Variants in CD38 observed in about 807,000 individuals in gnomAD.
CD38 encodes ADP-ribosyl cyclase/cyclic ADP-ribose hydrolase 1.
CD38 carries 31 observed loss-of-function variants against 36.3 expected under a neutral mutation model. The ratio of observed to expected loss-of-function variants is 0.85; its 90% confidence interval spans 0.64 to 1.15. The LOEUF (loss-of-function observed/expected upper bound fraction) is 1.15. Ranked by LOEUF, CD38 falls within the 50% of genes most tolerant of loss-of-function variation. CD38 has a pLI of 0.00. For synonymous variants in CD38, 131 were observed against 135.2 expected, an observed-to-expected ratio of 0.97 and a Z score of 0.22; for missense variants, 380 against 371.9, an observed-to-expected ratio of 1.02 and a Z score of -0.18.
At chr4:15,799,811 C>G (rs1448841591) in intron 1 of CD38, among the ~76,000 whole-genome samples, 1 of 152,202 alleles carries the variant, frequency 6.6e-6, no homozygotes, top group South Asian at 2.1e-4. Context: ...AGGGAAATCA[C>G]TTCTCTTCTA....
intron 1 of CD38, among the ~76,000 whole-genome samples, chr4:15,808,892 T>A (rs1310151032): frequency 6.6e-6 from 1 of 152,234 alleles, no homozygotes; most frequent in Non-Finnish European, 1.5e-5. Context: ...GCTCGCCCTC[T>A]GTTCTTGGAA....
chr4:15,848,621 T>C lies in CD38; in HGVS notation c.*19T>C. The C allele has an allele frequency of 6.2e-7, 1 of 1,606,328 alleles. No homozygotes were observed. Among genetic ancestry groups the C allele is most frequent in the South Asian group, 1.1e-5 (1 of 90,806 alleles). ...GATCTGAGCCAGTCGCTGTGGTTGT[T>C]TTAGCTCCTTGACTCCTTGTGGTTT... On this transcript the variant is annotated 3_prime_UTR_variant, in exon 8 of 8. Coordinates refer to ENST00000226279, the MANE Select transcript of CD38 (RefSeq NM_001775.4).
chr4:15,792,516 C>T (rs758916284), intron 1 of CD38, among the ~76,000 whole-genome samples: 1 of 150,608 alleles, frequency 6.6e-6, no homozygotes, highest in Admixed American at 6.6e-5. Flanking sequence ...GGAATGTTCT[C>T]TTATGGAAAA....
In CD38 at chr4:15,848,648, T is replaced by C. The variant is rs189621474; in HGVS notation, c.*46T>C. 5.1e-4 allele frequency: 774 copies of C among 1,506,632 alleles called. 2 individuals are homozygous for C. Among genetic ancestry groups the C allele is most frequent in the Non-Finnish European group, 6.7e-4 (725 of 1,082,716 alleles). The allele number at this position is 1,506,632 out of a possible 1,614,324, so 93.3% of individuals were successfully genotyped here. A position where few individuals can be genotyped will look rare whatever the true frequency, so the allele number is the denominator to read the frequency against. On this transcript the variant is annotated 3_prime_UTR_variant, in exon 8 of 8. Transcript: ENST00000226279. ...TAGCTCCTTGACTCCTTGTGGTTTATGTCATCATACATGACTCAGCATACC... is the reference window on the plus strand; with the variant it reads ...TAGCTCCTTGACTCCTTGTGGTTTACGTCATCATACATGACTCAGCATACC...
intron 2 of CD38, among the ~76,000 whole-genome samples, chr4:15,817,907 T>G (rs1467273220): frequency 6.6e-6 from 1 of 152,090 alleles, no homozygotes; most frequent in Non-Finnish European, 1.5e-5. Context: ...GCCCTGGGTT[T>G]CAGGCACAAA....
At chr4:15,830,656 A>AT (rs1723941376) in intron 3 of CD38, among the ~76,000 whole-genome samples, 1 of 151,756 alleles carries the variant, frequency 6.6e-6, no homozygotes, top group Admixed American at 6.6e-5. Context: ...TTGCTCAATA[A>AT]TTTTTTTTGC....
At chr4:15,836,387 C>A (rs1724071101) in intron 4 of CD38, among the ~76,000 whole-genome samples, 1 of 152,120 alleles carries the variant, frequency 6.6e-6, no homozygotes, top group Admixed American at 6.6e-5. Context: ...CCTTAGGGCC[C>A]AATTATCTCC....
intron 1 of CD38, among the ~76,000 whole-genome samples, chr4:15,785,461 C>T (rs1722794329): frequency 6.6e-6 from 1 of 152,126 alleles, no homozygotes; most frequent in South Asian, 2.1e-4. Context: ...CTGCTCAAAA[C>T]ACACACTTGC....
intron 1 of CD38, among the ~76,000 whole-genome samples, chr4:15,786,201 A>C (rs1166191455): frequency 6.6e-6 from 1 of 151,960 alleles, no homozygotes; most frequent in Non-Finnish European, 1.5e-5. Flanking sequence ...GTAGAACGGG[A>C]CGCCAATGGG....
In CD38 at chr4:15,778,688, A is replaced by C; in HGVS notation, c.233+41A>C. ...AGGCGCACCGGTGGGCACTGCGGGG[A>C]CAGCAGGGCCCCGCGCGCAGGGAAG... On this transcript the variant is annotated intron_variant, in intron 1 of 7. Transcript: ENST00000226279. The surrounding 1 kb of genome is among the most constrained non-coding windows in gnomAD (Gnocchi z 4.9). 5.1e-6 allele frequency: 7 copies of C among 1,380,686 alleles called. No homozygotes were observed. Among genetic ancestry groups the C allele is most frequent in the Non-Finnish European group, 7.2e-6 (7 of 976,748 alleles). The allele number at this position is 1,380,686 out of a possible 1,614,324, so 85.5% of individuals were successfully genotyped here.
chr4:15,788,091 C>T (rs762579061), intron 1 of CD38, among the ~76,000 whole-genome samples: 1 of 152,184 alleles, frequency 6.6e-6, no homozygotes, highest in South Asian at 2.1e-4. Context: ...CTTTCCCTAT[C>T]GGTTCTCCCA....
At position 15,818,114 on chromosome 4, in the gene CD38, TTGC is replaced by T. The variant is rs977649204; in HGVS notation, c.363+1478_363+1480del. The stretch of plus-strand genomic sequence containing the variant: ...GCTAAGAACCACTGGCTTGAAATTC[TTGC>T]TGCCAGCACAGCAGTCTGAAGTTGA... On this transcript the variant is annotated intron_variant, in intron 2 of 7. Transcript: ENST00000226279. Among the ~76,000 whole-genome samples, 5 of 144,180 alleles carry T rather than the reference TTGC, an allele frequency of 3.5e-5. No homozygotes were observed. In the East Asian group the frequency reaches 1.1e-3, roughly 31 times the overall value. 94.6% of individuals were successfully genotyped at this position (144,180 alleles called of 152,430 possible).
intron 6 of CD38, 88 bp from the exon 7 acceptor site, chr4:15,840,364 C>A: frequency 1.1e-6 from 1 of 888,526 alleles, no homozygotes; most frequent in Non-Finnish European, 1.8e-6. Context: ...ATCCAAGGGC[C>A]TTGTCCAGGG....
intron 3 of CD38, among the ~76,000 whole-genome samples, chr4:15,833,373 T>G (rs935766698): frequency 2.6e-5 from 4 of 152,224 alleles, no homozygotes; most frequent in African/African-American, 9.6e-5. Flanking sequence ...TAAAAGAGGT[T>G]TATTTTCATG....
At chr4:15,831,758 G>A (rs1307919296) in intron 3 of CD38, among the ~76,000 whole-genome samples, 2 of 151,890 alleles carry the variant, frequency 1.3e-5, no homozygotes, top group Non-Finnish European at 2.9e-5. Flanking sequence ...AAATGCTTTG[G>A]GGCAGCATTC....
At chr4:15,819,960 C>T (rs916658697) in intron 2 of CD38, among the ~76,000 whole-genome samples, 3 of 151,958 alleles carry the variant, frequency 2.0e-5, no homozygotes, top group African/African-American at 4.8e-5. Context: ...CTCCAGGTCA[C>T]CTATAAAGGG....
intron 1 of CD38, among the ~76,000 whole-genome samples, chr4:15,789,673 A>G (rs1198676714): frequency 6.6e-6 from 1 of 152,028 alleles, no homozygotes; most frequent in Non-Finnish European, 1.5e-5. Flanking sequence ...CCATTCATGG[A>G]TTACTGATTA....
intron 1 of CD38, among the ~76,000 whole-genome samples, chr4:15,791,186 C>T (rs1402520730): frequency 1.2e-5 from 1 of 81,706 alleles, no homozygotes; most frequent in African/African-American, 7.7e-5. Flanking sequence ...GGGGGTCAGC[C>T]CCCCGCCCGG....
chr4:15,785,228 G>C (rs1722789627), intron 1 of CD38, among the ~76,000 whole-genome samples: 1 of 152,258 alleles, frequency 6.6e-6, no homozygotes, highest in East Asian at 1.9e-4. Context: ...ACGCAAATTA[G>C]CTAATTCTGG....
Sources: allele counts gnomAD v4.1 joint callset (sites outside exome capture counted in the v4.1 genomes callset), GRCh38; gene constraint gnomAD v4.1.1; non-coding constraint Gnocchi (gnomAD v3.1); transcripts MANE v1.5; gene names NCBI Gene and HGNC (gene_info 2026-07-23, HGNC 2026-07-21).